PRKN: variants seen among roughly 807,000 people sequenced by gnomAD.
PRKN encodes the protein E3 ubiquitin-protein ligase parkin.
Under a neutral mutation model 59.5 loss-of-function variants are expected in PRKN, and 56 were observed. The ratio of observed to expected loss-of-function variants is 0.94; its 90% CI spans 0.76 to 1.18. The LOEUF (loss-of-function observed/expected upper bound fraction) is 1.18. PRKN is among the 50% of genes most tolerant of loss of function. PRKN has a pLI of 0.00. For synonymous variants in PRKN, 250 were observed against 222.1 expected (o/e 1.13, Z -1.12); for missense variants, 657 against 596.4 (o/e 1.10, Z -1.06).
At chr6:162,420,787 G>T (rs749916308) in intron 2 of PRKN, among the ~76,000 whole-genome samples, 24 of 152,118 alleles carry the variant, frequency 1.6e-4, no homozygotes, top group Non-Finnish European at 2.5e-4. Context: ...GCAGGAAAAA[G>T]ATGGGGACAC....
chr6:161,997,372 C>T lies in PRKN; in HGVS notation c.619-23955G>A, dbSNP rs150063024. ...GGGTTCTGTTGCTAATTCCTCTGGA[C>T]GGCTGGGAACTTGATCTAAGCCATT... On this transcript the variant is annotated intron_variant, in intron 5 of 11. Coordinates refer to ENST00000366898, the MANE Select transcript of PRKN (RefSeq NM_004562.3). Among the ~76,000 whole-genome samples, 434 of 152,196 alleles carry T rather than the reference C, an allele frequency of 2.9e-3. 1 individual carries two copies. Among genetic ancestry groups the T allele is most frequent in the African/African-American group, 9.8e-3 (408 of 41,530 alleles).
Position 161,487,019 on chromosome 6 carries a change from A to G in PRKN, c.1083+61835T>C, listed in dbSNP as rs1467277178. Among the ~76,000 whole-genome samples, 2 of 152,114 alleles carry G rather than the reference A, an allele frequency of 1.3e-5. No homozygotes were observed. The highest frequency in any genetic ancestry group is 6.6e-5 in the Admixed American group (1 of 15,264). On this transcript the variant is annotated intron_variant, in intron 9 of 11. Coordinates refer to ENST00000366898, the MANE Select transcript of PRKN (RefSeq NM_004562.3). This position sits in a 1 kb window ranked among gnomAD's most constrained non-coding sequence, Gnocchi z 5.3. ...TTTAGGGGAGGTGTAGCTCGTCTTC[A>G]TGGAGGTTAGGGGCAAGTGAGTTTA...
chr6:161,367,589 A>G (rs1056117860), intron 10 of PRKN, among the ~76,000 whole-genome samples: 15 of 151,970 alleles, frequency 9.9e-5, no homozygotes, highest in African/African-American at 3.6e-4. Flanking sequence ...TCCTTTCCCA[A>G]TGAACGACAT....
intron 2 of PRKN, among the ~76,000 whole-genome samples, chr6:162,386,407 A>G (rs1786814354): frequency 6.6e-6 from 1 of 152,240 alleles, no homozygotes; most frequent in Non-Finnish European, 1.5e-5. Context: ...ACTATATGTT[A>G]TGTAACTGAA....
intron 2 of PRKN, among the ~76,000 whole-genome samples, chr6:162,405,715 G>A (rs566023824): frequency 1.4e-4 from 21 of 152,232 alleles, no homozygotes; most frequent in South Asian, 2.1e-4. Flanking sequence ...AGATACTGGC[G>A]TTGCAGGAGC....
At chr6:162,469,672 T>C (rs1313724587) in intron 1 of PRKN, among the ~76,000 whole-genome samples, 2 of 152,028 alleles carry the variant, frequency 1.3e-5, no homozygotes, top group South Asian at 4.2e-4. Flanking sequence ...AAGTGGGAGC[T>C]AAGCCATGAA....
chr6:162,331,695 T>A (rs557674909), intron 2 of PRKN, among the ~76,000 whole-genome samples: 37 of 152,282 alleles, frequency 2.4e-4, no homozygotes, highest in African/African-American at 8.7e-4. Flanking sequence ...GAACCTTAAA[T>A]CAAATTCCTT....
In PRKN at chr6:161,896,102, T is replaced by A. The variant is rs1225149268; in HGVS notation, c.734+77200A>T. Among the ~76,000 whole-genome samples, 7 of 152,184 alleles carry A rather than the reference T, an allele frequency of 4.6e-5. No individual in the cohort carries two copies. In the East Asian group the frequency reaches 1.2e-3, roughly 25 times the overall value. On this transcript the variant is annotated intron_variant, in intron 6 of 11. Coordinates refer to ENST00000366898, the MANE Select transcript of PRKN (RefSeq NM_004562.3). ...GCAGGTGTGACGGGTGATGAATAAATTATGTGAGAGAAAATATAGCTGTCA... is the reference window on the plus strand; with the variant it reads ...GCAGGTGTGACGGGTGATGAATAAAATATGTGAGAGAAAATATAGCTGTCA...
intron 7 of PRKN, among the ~76,000 whole-genome samples, chr6:161,612,050 T>C (rs1782507016): frequency 6.6e-6 from 1 of 152,200 alleles, no homozygotes; most frequent in South Asian, 2.1e-4. Flanking sequence ...TCTTCAATTC[T>C]ATGAAGGCTG....
intron 4 of PRKN, among the ~76,000 whole-genome samples, chr6:162,108,957 G>C (rs1238020137): frequency 6.6e-6 from 1 of 152,214 alleles, no homozygotes; most frequent in Non-Finnish European, 1.5e-5. Context: ...CTGAAGTGGC[G>C]GTGTACAGCA....
chr6:161,553,250 T>C (rs1268826237), intron 8 of PRKN, among the ~76,000 whole-genome samples: 1 of 152,124 alleles, frequency 6.6e-6, no homozygotes, highest in Non-Finnish European at 1.5e-5. Flanking sequence ...TTGTATCCAA[T>C]GTTGCAGTTT....
In PRKN at chr6:161,922,595, A is replaced by G. The variant is rs144029378; in HGVS notation, c.734+50707T>C. Reference sequence around the variant, plus strand: ...CATAAATTATTTGTGGGGATATAATATAAGTACATGAGGTAATTCCTACAT... The same window carrying G: ...CATAAATTATTTGTGGGGATATAATGTAAGTACATGAGGTAATTCCTACAT... On this transcript the variant is annotated intron_variant, in intron 6 of 11. Transcript: ENST00000366898. 2.2e-3 allele frequency among the ~76,000 whole-genome samples: 329 copies of G among 152,342 alleles called. 2 individuals are homozygous for G. The highest frequency in any genetic ancestry group is 7.3e-3 in the African/African-American group (303 of 41,584).
At chr6:162,524,004 G>T in intron 1 of PRKN, among the ~76,000 whole-genome samples, 1 of 152,058 alleles carries the variant, frequency 6.6e-6, no homozygotes, top group Admixed American at 6.6e-5. Context: ...TGACCTTGGA[G>T]AAGTTACTTA....
At chr6:162,289,187 C>T (rs546296517) in intron 2 of PRKN, among the ~76,000 whole-genome samples, 29 of 152,262 alleles carry the variant, frequency 1.9e-4, no homozygotes, top group Admixed American at 2.6e-4. Flanking sequence ...GAAGGACCTG[C>T]TCCAGGGTGC....
At chr6:161,515,621 C>A (rs773532922) in intron 9 of PRKN, among the ~76,000 whole-genome samples, 5 of 152,146 alleles carry the variant, frequency 3.3e-5, no homozygotes, top group Non-Finnish European at 7.3e-5. Context: ...TACAGCAAAT[C>A]CTCCTTAGGA....
At chr6:161,678,569 T>A (rs73031042) in intron 7 of PRKN, among the ~76,000 whole-genome samples, 33 of 48,560 alleles carry the variant, frequency 6.8e-4, no homozygotes, top group South Asian at 3.0e-3. Flanking sequence ...TGGTGCCTGA[T>A]TTTTTTTTTT....
intron 2 of PRKN, among the ~76,000 whole-genome samples, chr6:162,346,237 G>A (rs1469315065): frequency 1.3e-5 from 2 of 151,936 alleles, no homozygotes; most frequent in African/African-American, 2.4e-5. Flanking sequence ...GAATATAATC[G>A]TGTTTTTTCC....
intron 6 of PRKN, among the ~76,000 whole-genome samples, chr6:161,874,337 ATAT>A (rs1386095008): frequency 1.2e-5 from 1 of 84,374 alleles, no homozygotes; most frequent in Non-Finnish European, 2.0e-5. Context: ...TACATGTAAA[ATAT>A]TATATATAAA....
intron 7 of PRKN, among the ~76,000 whole-genome samples, chr6:161,717,215 G>A (rs565461152): frequency 6.6e-6 from 1 of 152,274 alleles, no homozygotes; most frequent in East Asian, 1.9e-4. Context: ...GTCCAACATC[G>A]AGAGGAGGCC....
Sources: gnomAD v4.1 joint callset for allele counts (sites outside exome capture counted in the v4.1 genomes callset) on GRCh38, gnomAD v4.1.1 for gene constraint, Gnocchi (gnomAD v3.1) non-coding constraint, MANE v1.5 for transcripts, NCBI Gene and HGNC (gene_info 2026-07-23, HGNC 2026-07-21) for gene names.